The following NALF1 variants were observed in gnomAD, a reference collection of about 807,000 sequenced individuals.
NALF1 encodes family with sequence similarity 155 member A.
In NALF1, 3 loss-of-function variants were observed where a neutral mutation model predicts 48.4. The ratio of observed to expected loss-of-function variants is 0.06; its 90% CI spans 0.03 to 0.16. The LOEUF is 0.16. Among genes scored for constraint, NALF1 ranks in the 10% least tolerant of loss-of-function variants. The pLI, the probability that NALF1 is intolerant of heterozygous loss-of-function variation, is 1.00. For missense variants in NALF1, 526 were observed against 571.5 expected (o/e 0.92, Z 0.81); for synonymous variants, 262 against 245.7 (o/e 1.07, Z -0.62).
chr13:107,444,125 T>C (rs979541908), intron 1 of NALF1, among the ~76,000 whole-genome samples: 1 of 152,192 alleles, frequency 6.6e-6, no homozygotes, highest in Non-Finnish European at 1.5e-5. Flanking sequence ...ACTAATTATA[T>C]AATGAAAACT....
At chr13:107,624,141 A>G (rs1365559015) in intron 1 of NALF1, among the ~76,000 whole-genome samples, 1 of 152,188 alleles carries the variant, frequency 6.6e-6, no homozygotes, top group East Asian at 1.9e-4. Context: ...TTTTACAAAC[A>G]AGACAACTGA....
At chr13:107,366,565 C>T (rs550565246) in intron 1 of NALF1, among the ~76,000 whole-genome samples, 19 of 152,312 alleles carry the variant, frequency 1.2e-4, no homozygotes, top group Admixed American at 7.2e-4. Context: ...TTTATTCCTT[C>T]CATGACACAC....
chr13:107,193,341 T>C (rs1274765414), intron 2 of NALF1, among the ~76,000 whole-genome samples: 2 of 152,196 alleles, frequency 1.3e-5, no homozygotes, highest in East Asian at 1.9e-4. Context: ...ACATGAACAG[T>C]AAGCAGGGTG....
intron 2 of NALF1, among the ~76,000 whole-genome samples, chr13:107,195,202 G>A (rs1041865726): frequency 4.6e-5 from 7 of 152,128 alleles, no homozygotes; most frequent in African/African-American, 1.7e-4. Context: ...GACGGGTGCA[G>A]TAAAATCTCA....
chr13:107,580,565 ACT>A (rs1333158406), intron 1 of NALF1, among the ~76,000 whole-genome samples: 1 of 151,618 alleles, frequency 6.6e-6, no homozygotes, highest in Admixed American at 6.6e-5. Flanking sequence ...TGTCCTCTTT[ACT>A]CTCTCATATT....
chr13:107,714,626 T>TAAAAAAA lies in NALF1; in HGVS notation c.915+151049_915+151055dup, dbSNP rs10633995. On this transcript the variant is annotated intron_variant, in intron 1 of 2. Transcript: ENST00000375915. ...CCTGGGTGACAGAGTGAGGCTTTAT[T>TAAAAAAA]AAAAAAAAAAAAAGAAAGATAAAAT... Among the ~76,000 whole-genome samples the TAAAAAAA allele has an allele frequency of 2.1e-4, 26 of 126,474 alleles. 2 individuals carry two copies. Among genetic ancestry groups the TAAAAAAA allele is most frequent in the East Asian group, 4.6e-4 (2 of 4,360 alleles). The allele number at this position is 126,474 out of a possible 152,430, so 83.0% of individuals were successfully genotyped here. A position where few individuals can be genotyped will look rare whatever the true frequency, so the allele number is the denominator to read the frequency against.
intron 1 of NALF1, among the ~76,000 whole-genome samples, chr13:107,641,845 A>T (rs1456492543): frequency 6.6e-6 from 1 of 152,166 alleles, no homozygotes; most frequent in Non-Finnish European, 1.5e-5. Context: ...ACCACATGGT[A>T]CTTCTCAAGC....
chr13:107,731,078 T>C (rs750241712), intron 1 of NALF1, among the ~76,000 whole-genome samples: 3 of 152,122 alleles, frequency 2.0e-5, no homozygotes, highest in Admixed American at 6.6e-5. Flanking sequence ...GAACGAGGAA[T>C]GTTAGAGCAT....
At chr13:107,264,448 C>T (rs761522045) in intron 1 of NALF1, among the ~76,000 whole-genome samples, 1 of 152,086 alleles carries the variant, frequency 6.6e-6, no homozygotes, top group Non-Finnish European at 1.5e-5. Context: ...AAACTTTATA[C>T]AATTTACCAT....
At chr13:107,315,456 A>C (rs1267980091) in intron 1 of NALF1, among the ~76,000 whole-genome samples, 2 of 152,120 alleles carry the variant, frequency 1.3e-5, no homozygotes, top group Non-Finnish European at 2.9e-5. Context: ...TGACTTGGAA[A>C]GTCTTCTATA....
At chr13:107,417,131 T>C (rs528251977) in intron 1 of NALF1, among the ~76,000 whole-genome samples, 1 of 152,342 alleles carries the variant, frequency 6.6e-6, no homozygotes, top group South Asian at 2.1e-4. Flanking sequence ...TACTGTTGTT[T>C]AACTCTTTAA....
At chr13:107,466,916 TG>T (rs1885013249) in intron 1 of NALF1, among the ~76,000 whole-genome samples, 2 of 152,300 alleles carry the variant, frequency 1.3e-5, no homozygotes, top group South Asian at 4.1e-4. Context: ...AACCAGGGTA[TG>T]GGTGTGGAAA....
chr13:107,394,497 T>C (rs999937434), intron 1 of NALF1, among the ~76,000 whole-genome samples: 1 of 152,160 alleles, frequency 6.6e-6, no homozygotes, highest in African/African-American at 2.4e-5. Flanking sequence ...GACAAAGTTG[T>C]AAACTGGGGC....
intron 2 of NALF1, among the ~76,000 whole-genome samples, chr13:107,208,930 T>C (rs1442914827): frequency 6.6e-6 from 1 of 152,004 alleles, no homozygotes; most frequent in Non-Finnish European, 1.5e-5. Flanking sequence ...AAAAATGACT[T>C]GAGCATCAAG....
chr13:107,604,877 A>G (rs1364233978), intron 1 of NALF1, among the ~76,000 whole-genome samples: 1 of 152,134 alleles, frequency 6.6e-6, no homozygotes, highest in Non-Finnish European at 1.5e-5. Context: ...TGAGATCGTG[A>G]TAATACTACA....
intron 1 of NALF1, among the ~76,000 whole-genome samples, chr13:107,258,650 A>G (rs1880868641): frequency 6.6e-6 from 1 of 152,186 alleles, no homozygotes; most frequent in Non-Finnish European, 1.5e-5. Flanking sequence ...AATATGCTGC[A>G]GTGATCTTGG....
intron 1 of NALF1, among the ~76,000 whole-genome samples, chr13:107,387,289 C>T (rs1883546755): frequency 2.0e-5 from 3 of 152,166 alleles, no homozygotes; most frequent in Admixed American, 6.5e-5. Context: ...TTCTCTAGTT[C>T]CATGACCACA....
intron 1 of NALF1, among the ~76,000 whole-genome samples, chr13:107,733,451 A>G (rs1234834745): frequency 1.3e-5 from 2 of 152,180 alleles, no homozygotes; most frequent in Non-Finnish European, 2.9e-5. Context: ...TGGAATTTCT[A>G]TAGGCAGTGA....
At chr13:107,697,293 A>G (rs1881721145) in intron 1 of NALF1, among the ~76,000 whole-genome samples, 1 of 152,144 alleles carries the variant, frequency 6.6e-6, no homozygotes, top group Non-Finnish European at 1.5e-5. Context: ...TGGCTCTGCT[A>G]AAAGATTCTT....
Sources: allele counts gnomAD v4.1 joint callset (sites outside exome capture counted in the v4.1 genomes callset), GRCh38; gene constraint gnomAD v4.1.1; transcripts MANE v1.5; gene names NCBI Gene and HGNC (gene_info 2026-07-23, HGNC 2026-07-21).